CDH12: variants seen among roughly 807,000 people sequenced by gnomAD.
The protein encoded by CDH12 is cadherin 12, also known as cadherin-12.
In CDH12, 41 loss-of-function variants were observed where a neutral mutation model predicts 74.1. The observed-to-expected ratio is 0.55, with a 90% CI of 0.43 to 0.72. The LOEUF is 0.72. Ranked by LOEUF, CDH12 falls within the 30% of genes least tolerant of loss-of-function variation. The pLI is 0.00. For synonymous variants in CDH12, 399 were observed against 355.0 expected, an observed-to-expected ratio of 1.12 and a Z score of -1.39; for missense variants, 945 against 977.2, an observed-to-expected ratio of 0.97 and a Z score of 0.44.
At chr5:22,728,458 A>G (rs1318935276) in intron 1 of CDH12, among the ~76,000 whole-genome samples, 1 of 151,790 alleles carries the variant, frequency 6.6e-6, no homozygotes, top group Non-Finnish European at 1.5e-5. Flanking sequence ...TGCTTTATCT[A>G]TTTATATTTC....
chr5:22,472,509 G>T (rs965108974), intron 2 of CDH12, among the ~76,000 whole-genome samples: 2 of 151,988 alleles, frequency 1.3e-5, no homozygotes, highest in African/African-American at 4.8e-5. Context: ...ATATCCAAAT[G>T]GTTGCTAGAC....
At chr5:22,643,164 G>A (rs1388881521) in intron 1 of CDH12, among the ~76,000 whole-genome samples, 2 of 152,140 alleles carry the variant, frequency 1.3e-5, no homozygotes, top group Admixed American at 1.3e-4. Flanking sequence ...ATAACATTAA[G>A]GCTTCGTGAA....
chr5:22,624,230 C>T lies in CDH12; in HGVS notation c.-522-118866G>A, dbSNP rs1356722914. 2.6e-5 allele frequency among the ~76,000 whole-genome samples: 4 copies of T among 152,110 alleles called. No homozygotes were observed. The East Asian group carries it at 7.7e-4, about 29-fold the overall frequency. On this transcript the variant is annotated intron_variant, in intron 1 of 14. Transcript: ENST00000382254. ...ACCCTAGAAGAAAACCTAGGCAATA[C>T]CATTCAGGACGTAGGCATGGGCAAG... is the stretch of plus-strand genomic sequence containing the variant.
chr5:22,171,634 T>C (rs1322775091), intron 4 of CDH12, among the ~76,000 whole-genome samples: 1 of 151,940 alleles, frequency 6.6e-6, no homozygotes, highest in African/African-American at 2.4e-5. Flanking sequence ...CCACTTTTTA[T>C]AGGAAGGACA....
chr5:22,669,332 A>G (rs1224291151), intron 1 of CDH12, among the ~76,000 whole-genome samples: 1 of 152,188 alleles, frequency 6.6e-6, no homozygotes, highest in Non-Finnish European at 1.5e-5. Flanking sequence ...ACATATCCAA[A>G]TTCAAAATTA....
At chr5:22,101,576 A>G (rs905629589) in intron 4 of CDH12, among the ~76,000 whole-genome samples, 5 of 152,192 alleles carry the variant, frequency 3.3e-5, no homozygotes, top group African/African-American at 1.2e-4. Flanking sequence ...TCAAGTCTGC[A>G]CAGAAGTATT....
chr5:22,618,932 C>A (rs570892671), intron 1 of CDH12, among the ~76,000 whole-genome samples: 1 of 151,922 alleles, frequency 6.6e-6, no homozygotes, highest in East Asian at 1.9e-4. Context: ...CCATGTCAGA[C>A]GTCCCTTTGC....
chr5:22,670,029 G>A (rs1226332303), intron 1 of CDH12, among the ~76,000 whole-genome samples: 1 of 152,102 alleles, frequency 6.6e-6, no homozygotes, highest in African/African-American at 2.4e-5. Context: ...CAGCCAAAAT[G>A]TATGTAACAG....
At chr5:22,113,717 T>C (rs1433512000) in intron 4 of CDH12, among the ~76,000 whole-genome samples, 1 of 152,140 alleles carries the variant, frequency 6.6e-6, no homozygotes, top group Non-Finnish European at 1.5e-5. Context: ...AAATCTCAAA[T>C]GTTTTACAGA....
At chr5:22,534,799 A>AT (rs34165122) in intron 1 of CDH12, among the ~76,000 whole-genome samples, 94 of 148,568 alleles carry the variant, frequency 6.3e-4, no homozygotes, top group South Asian at 4.7e-3. Context: ...AAGTTTTGAG[A>AT]TTTTTTTTTT....
intron 1 of CDH12, among the ~76,000 whole-genome samples, chr5:22,704,439 A>G (rs540529781): frequency 3.7e-4 from 57 of 152,240 alleles, no homozygotes; most frequent in African/African-American, 1.3e-3. Flanking sequence ...CTATTTTAAA[A>G]TACTCCTGAG....
chr5:21,869,733 TA>T (rs1751517692), intron 6 of CDH12, among the ~76,000 whole-genome samples: 1 of 152,150 alleles, frequency 6.6e-6, no homozygotes, highest in South Asian at 2.1e-4. Flanking sequence ...TGTATCATAT[TA>T]GGGGGAATTA....
At chr5:21,815,383 C>T (rs13153198) in intron 9 of CDH12, among the ~76,000 whole-genome samples, 104,954 of 151,988 alleles carry the variant, frequency 0.69, 37,415 homozygotes, top group Non-Finnish European at 0.79. Context: ...CTTTACTTTG[C>T]TATTGGAAAT....
At chr5:22,546,239 C>T (rs1010036979) in intron 1 of CDH12, among the ~76,000 whole-genome samples, 5 of 152,056 alleles carry the variant, frequency 3.3e-5, no homozygotes, top group African/African-American at 9.7e-5. Flanking sequence ...CCACCACACC[C>T]GGCCAATTGT....
intron 3 of CDH12, among the ~76,000 whole-genome samples, chr5:22,362,765 G>A (rs1270800022): frequency 6.6e-6 from 1 of 151,982 alleles, no homozygotes; most frequent in African/African-American, 2.4e-5. Context: ...AAAAGGATGA[G>A]TTCATGTCCT....
intron 4 of CDH12, among the ~76,000 whole-genome samples, chr5:22,100,042 G>A (rs1005790479): frequency 6.6e-6 from 1 of 151,836 alleles, no homozygotes; most frequent in African/African-American, 2.4e-5. Context: ...GAGAAACATC[G>A]CCCATTATCT....
chr5:22,306,239 C>G (rs917346970), intron 3 of CDH12, among the ~76,000 whole-genome samples: 1 of 152,008 alleles, frequency 6.6e-6, no homozygotes, highest in Non-Finnish European at 1.5e-5. Flanking sequence ...CCGTTTGTAT[C>G]TTTATTCATC....
chr5:22,227,482 A>G (rs1752236015), intron 3 of CDH12, among the ~76,000 whole-genome samples: 1 of 152,126 alleles, frequency 6.6e-6, no homozygotes, highest in African/African-American at 2.4e-5. Flanking sequence ...GGCTTTCCCC[A>G]GTATTTCTTA....
intron 3 of CDH12, among the ~76,000 whole-genome samples, chr5:22,228,141 CA>C (rs1288939331): frequency 2.0e-5 from 3 of 151,922 alleles, no homozygotes; most frequent in Non-Finnish European, 4.4e-5. Flanking sequence ...GAGCTAATTT[CA>C]GTAAGGCATT....
Sources: gnomAD v4.1 joint callset for allele counts (sites outside exome capture counted in the v4.1 genomes callset) on GRCh38, gnomAD v4.1.1 for gene constraint, MANE v1.5 for transcripts, NCBI Gene and HGNC (gene_info 2026-07-23, HGNC 2026-07-21) for gene names.